Variants in ACTL8 observed in about 807,000 individuals in gnomAD.
ACTL8 encodes the protein actin-like protein 8.
Under a neutral mutation model 9.3 loss-of-function variants are expected in ACTL8, and 3 were observed. The observed-to-expected ratio is 0.32, with a 90% CI of 0.15 to 0.83. ACTL8 has a LOEUF of 0.83. ACTL8 is among the 40% of genes least tolerant of loss of function. ACTL8 has a pLI of 0.57. For synonymous variants in ACTL8, 224 were observed against 205.9 expected (o/e 1.09, Z -0.75); for missense variants, 381 against 492.2 (o/e 0.77, Z 2.14).
At chr1:17,787,670 A>ATT (rs71018040) in intron 1 of ACTL8, among the ~76,000 whole-genome samples, 76 of 145,550 alleles carry the variant, frequency 5.2e-4, no homozygotes, top group East Asian at 3.4e-3. Flanking sequence ...TTCATTTCTC[A>ATT]TTTTTTTTTT....
At position 17,792,610 on chromosome 1, in the gene ACTL8, C is replaced by T. The variant is rs1208658647; in HGVS notation, c.-24-30375C>T. On this transcript the variant is annotated intron_variant, in intron 1 of 2. Transcript: ENST00000375406. Reference sequence around the variant, plus strand: ...CCTCCTCCTAACTCTGCCGTTTGACCCCCACTCCCTTGGGGCCCTGCTCAT... The same window carrying T: ...CCTCCTCCTAACTCTGCCGTTTGACTCCCACTCCCTTGGGGCCCTGCTCAT... Among the ~76,000 whole-genome samples, 3 of 152,186 alleles carry T rather than the reference C, an allele frequency of 2.0e-5. No homozygotes were observed. In the South Asian group the frequency reaches 6.2e-4, roughly 31 times the overall value.
At chr1:17,773,877 C>G (rs914730975) in intron 1 of ACTL8, among the ~76,000 whole-genome samples, 1 of 152,174 alleles carries the variant, frequency 6.6e-6, no homozygotes, top group South Asian at 2.1e-4. Context: ...TTCTACTTTG[C>G]GAAGGGAGGG....
At chr1:17,787,207 G>T (rs1427405287) in intron 1 of ACTL8, among the ~76,000 whole-genome samples, 1 of 151,782 alleles carries the variant, frequency 6.6e-6, no homozygotes, top group Non-Finnish European at 1.5e-5. Flanking sequence ...TGCTTTCCTG[G>T]ATCTTTTCTT....
intron 1 of ACTL8, among the ~76,000 whole-genome samples, chr1:17,819,177 C>T (rs1162131388): frequency 6.6e-6 from 1 of 152,194 alleles, no homozygotes; most frequent in African/African-American, 2.4e-5. Flanking sequence ...CAGCGTCTCC[C>T]ATGACACCAC....
intron 1 of ACTL8, among the ~76,000 whole-genome samples, chr1:17,759,335 C>T (rs2065987356): frequency 6.6e-6 from 1 of 152,228 alleles, no homozygotes; most frequent in Admixed American, 6.5e-5. Context: ...GCTCACAGGG[C>T]CTGCTCCTGC....
At chr1:17,776,364 G>A (rs747123336) in intron 1 of ACTL8, among the ~76,000 whole-genome samples, 2 of 152,126 alleles carry the variant, frequency 1.3e-5, no homozygotes, top group Admixed American at 6.5e-5. Context: ...TTGGTTGCTC[G>A]GTGCCTGGAG....
intron 1 of ACTL8, among the ~76,000 whole-genome samples, chr1:17,812,452 C>T (rs544753829): frequency 3.4e-4 from 41 of 122,130 alleles, no homozygotes; most frequent in East Asian, 2.3e-3. Flanking sequence ...TTTTTTGAGA[C>T]GGAGTCTCAC....
chr1:17,762,320 T>C (rs2066012052), intron 1 of ACTL8, among the ~76,000 whole-genome samples: 2 of 152,072 alleles, frequency 1.3e-5, no homozygotes, highest in Non-Finnish European at 2.9e-5. Flanking sequence ...GTCTTGTCGC[T>C]GGTCCACGCA....
intron 1 of ACTL8, among the ~76,000 whole-genome samples, chr1:17,820,542 A>C (rs2053648190): frequency 6.6e-6 from 1 of 151,328 alleles, no homozygotes; most frequent in South Asian, 2.1e-4. Flanking sequence ...GTGGAAATGC[A>C]GGTCATACGG....
At chr1:17,795,216 C>A (rs1411661397) in intron 1 of ACTL8, among the ~76,000 whole-genome samples, 1 of 152,186 alleles carries the variant, frequency 6.6e-6, no homozygotes. Context: ...TCACACCCTG[C>A]ATTTCAGAAG....
intron 1 of ACTL8, among the ~76,000 whole-genome samples, chr1:17,755,926 G>T (rs577045247): frequency 1.0e-4 from 15 of 149,160 alleles, no homozygotes; most frequent in African/African-American, 3.7e-4. Flanking sequence ...TCTTTTTGGG[G>T]CTCTATTTCA....
intron 1 of ACTL8, among the ~76,000 whole-genome samples, chr1:17,765,690 G>C (rs1227582694): frequency 6.6e-6 from 1 of 152,168 alleles, no homozygotes; most frequent in African/African-American, 2.4e-5. Context: ...ATAAATGTCT[G>C]ATTCACTCAC....
At chr1:17,813,294 T>G (rs375104467) in intron 1 of ACTL8, among the ~76,000 whole-genome samples, 107 of 152,348 alleles carry the variant, frequency 7.0e-4, no homozygotes, top group African/African-American at 2.5e-3. Context: ...TTCTCTTTAT[T>G]AGGATAAGGA....
intron 1 of ACTL8, among the ~76,000 whole-genome samples, chr1:17,764,951 T>C (rs2102675137): frequency 6.6e-6 from 1 of 152,286 alleles, no homozygotes. Flanking sequence ...GTAGGGGGGC[T>C]GTATAGACAC....
At chr1:17,791,025 G>A (rs953942961) in intron 1 of ACTL8, among the ~76,000 whole-genome samples, 1 of 152,314 alleles carries the variant, frequency 6.6e-6, no homozygotes, top group African/African-American at 2.4e-5. Flanking sequence ...GAGCCTATGA[G>A]GGTTGGGGGG....
chr1:17,822,197 G>T (rs560007278), intron 1 of ACTL8, among the ~76,000 whole-genome samples: 1 of 152,068 alleles, frequency 6.6e-6, no homozygotes, highest in East Asian at 1.9e-4. Flanking sequence ...GTCTGGGTTG[G>T]GTTTGACTCT....
chr1:17,814,286 C>T (rs2066410676), intron 1 of ACTL8, among the ~76,000 whole-genome samples: 1 of 152,162 alleles, frequency 6.6e-6, no homozygotes, highest in Non-Finnish European at 1.5e-5. Context: ...CGCTTGAGGA[C>T]AGGCATTCAA....
At chr1:17,801,760 T>C (rs2066324373) in intron 1 of ACTL8, among the ~76,000 whole-genome samples, 1 of 152,224 alleles carries the variant, frequency 6.6e-6, no homozygotes, top group Non-Finnish European at 1.5e-5. Flanking sequence ...GAATTATCTG[T>C]AAACATTAAG....
At chr1:17,777,984 C>T (rs1290519533) in intron 1 of ACTL8, among the ~76,000 whole-genome samples, 1 of 152,192 alleles carries the variant, frequency 6.6e-6, no homozygotes, top group African/African-American at 2.4e-5. Flanking sequence ...AGGCGTGAGC[C>T]ACCGTTCCTA....
Sources: allele counts gnomAD v4.1 joint callset (sites outside exome capture counted in the v4.1 genomes callset), GRCh38; gene constraint gnomAD v4.1.1; transcripts MANE v1.5; gene names NCBI Gene and HGNC (gene_info 2026-07-23, HGNC 2026-07-21).